GLT6D1: variants seen among roughly 807,000 people sequenced by gnomAD.
GLT6D1 encodes glycosyltransferase 6 domain containing 1.
GLT6D1 carries 9 observed loss-of-function variants against 12.3 expected under a neutral mutation model. The ratio of observed to expected loss-of-function variants is 0.73; its 90% confidence interval spans 0.44 to 1.27. The LOEUF is 1.27. Among genes scored for constraint, GLT6D1 ranks in the 50% most tolerant of loss-of-function variants. The pLI is 0.00. For synonymous variants in GLT6D1, 128 were observed against 132.3 expected (o/e 0.97, Z 0.23); for missense variants, 335 against 346.2 (o/e 0.97, Z 0.26).
rs183075907 is a variant in GLT6D1, at chr9:135,628,446, T to C, written c.120-2240A>G. ...GGAATAAATCCCACTATGTAGTTTA[T>C]GGTGTATAATCCTTTTTTATATGTT... is the stretch of plus-strand genomic sequence containing the variant. On this transcript the variant is annotated intron_variant, in intron 3 of 4. Coordinates refer to ENST00000371763, the MANE Select transcript of GLT6D1 (RefSeq NM_182974.3). 3.3e-5 allele frequency among the ~76,000 whole-genome samples: 5 copies of C among 152,214 alleles called. No homozygotes were observed. In the East Asian group the frequency reaches 5.8e-4, roughly 18 times the overall value.
At position 135,624,417 on chromosome 9, in the gene GLT6D1, T is replaced by G. The variant is rs764966796; in HGVS notation, c.511A>C (p.Ser171Arg). Residue 171 changes from serine (S) to arginine (R), a missense_variant, in exon 5 of 5, where the codon AGC (serine) becomes CGC (arginine). Ser to Arg is a moderately radical substitution (Grantham distance 110). Transcript: ENST00000371763. ...HIQDEVDFLFSMAANQVFQNE... is the reference protein window; with the variant it reads ...HIQDEVDFLFRMAANQVFQNE... ...TGGAAGACCTGGTTGGCAGCCATGC[T>G]GAAGAGGAAGTCCACCTCGTCCTGG... 1.9e-6 allele frequency: 3 copies of G among 1,614,178 alleles called. No homozygotes were observed. The highest frequency in any genetic ancestry group is 2.2e-5 in the South Asian group (2 of 91,080).
In GLT6D1 at chr9:135,623,850, C is replaced by G. The variant is rs544500794; in HGVS notation, c.*247G>C. 1.9e-5 allele frequency: 8 copies of G among 431,442 alleles called. No individual in the cohort carries two copies. The South Asian group carries it at 2.4e-4, about 13-fold the overall frequency. 26.7% of individuals were successfully genotyped at this position (431,442 alleles called of 1,614,324 possible). On this transcript the variant is annotated 3_prime_UTR_variant, in exon 5 of 5. Transcript: ENST00000371763. Reference sequence around the variant, plus strand: ...CTTTTATTCTTTATCCTACATTAGCCAAATAAGATGGCTCAAAATGGCAAG... The same window carrying G: ...CTTTTATTCTTTATCCTACATTAGCGAAATAAGATGGCTCAAAATGGCAAG...
At chr9:135,637,333 G>A (rs552101140) in intron 2 of GLT6D1, among the ~76,000 whole-genome samples, 1 of 149,778 alleles carries the variant, frequency 6.7e-6, no homozygotes, top group South Asian at 2.2e-4. Flanking sequence ...AGGCATTTAT[G>A]AATAGAGTTT....
In GLT6D1 at chr9:135,624,681, CACAG is replaced by C; in HGVS notation, c.258-15_258-12del. On this transcript the variant is annotated splice_polypyrimidine_tract_variant and intron_variant, in intron 4 of 4. Transcript: ENST00000371763. The stretch of plus-strand genomic sequence containing the variant: ...TACTCCTCTGCAAACCTAGGAAACA[CACAG>C]TGGGGAAGAAACTTACTTTTCTCTT... 5 of 1,409,262 alleles carry C rather than the reference CACAG, an allele frequency of 3.5e-6. No individual in the cohort carries two copies. Among genetic ancestry groups the C allele is most frequent in the Non-Finnish European group, 4.8e-6 (5 of 1,045,610 alleles). The allele number at this position is 1,409,262 out of a possible 1,614,324, so 87.3% of individuals were successfully genotyped here. A position where few individuals can be genotyped will look rare whatever the true frequency, so the allele number is the denominator to read the frequency against.
At chr9:135,633,558 G>T (rs143696998) in intron 2 of GLT6D1, among the ~76,000 whole-genome samples, 107 of 152,224 alleles carry the variant, frequency 7.0e-4, no homozygotes, top group Non-Finnish European at 1.4e-3. Flanking sequence ...CCTGGCCTGA[G>T]ATTCCTTTTC....
At chr9:135,629,801 C>A (rs901269484) in intron 3 of GLT6D1, among the ~76,000 whole-genome samples, 1 of 152,042 alleles carries the variant, frequency 6.6e-6, no homozygotes, top group East Asian at 1.9e-4. Context: ...TTTGATGTAT[C>A]TTATTGATGG....
At chr9:135,624,999 C>T (rs138897981) in intron 4 of GLT6D1, among the ~76,000 whole-genome samples, 10 of 151,576 alleles carry the variant, frequency 6.6e-5, no homozygotes, top group African/African-American at 2.2e-4. Context: ...CCCACCTCGG[C>T]GTCCTAAAGT....
Position 135,631,451 on chromosome 9 carries a change from G to A in GLT6D1, c.99C>T (p.Leu33=), listed in dbSNP as rs1945788399. 6.2e-7 allele frequency: 1 copy of A among 1,611,728 alleles called. No homozygotes were observed. Among genetic ancestry groups the A allele is most frequent in the South Asian group, 1.1e-5 (1 of 91,032 alleles). Residue 33 remains leucine, a synonymous_variant, in exon 3 of 5, where the codon CTC becomes CTT. Transcript: ENST00000371763. ...FRNHQVEELR[L]SDWFHPRKRP... is the part of the protein sequence containing the mutation. ...CTTACCTAGGATGAAACCAGTCTGA[G>A]AGCCGAAGTTCTTCTACTTGGTGAT...
At chr9:135,628,732 T>C (rs1833572537) in intron 3 of GLT6D1, among the ~76,000 whole-genome samples, 1 of 152,146 alleles carries the variant, frequency 6.6e-6, no homozygotes. Context: ...TAGAAAGTTT[T>C]TTATTACTAA....
rs771145189 is a variant in GLT6D1 at position 135,624,250 on chromosome 9, A to G, written c.678T>C (p.Tyr226=). 1.2e-6 allele frequency: 2 copies of G among 1,605,506 alleles called. No individual in the cohort carries two copies. The highest frequency in any genetic ancestry group is 1.7e-6 in the Non-Finnish European group (2 of 1,176,624). Residue 226 remains tyrosine, a synonymous_variant, in exon 5 of 5, where the codon TAT becomes TAC. Coordinates refer to ENST00000371763, the MANE Select transcript of GLT6D1 (RefSeq NM_182974.3). ...TGCCACCAACCATCAAGTTGCCATA[A>G]TAGAAATCTCCCTGTCCAAACGGGA... ...ACIPFGQGDF[Y]YGNLMVGGTP...
chr9:135,638,108 T>C (rs1833817109), intron 2 of GLT6D1, among the ~76,000 whole-genome samples: 1 of 152,176 alleles, frequency 6.6e-6, no homozygotes. Context: ...CTCAGAATCA[T>C]GGCAGGAGGC....
rs55778593 is a variant in GLT6D1, at chr9:135,634,758, C to T, written c.72-3280G>A. Reference sequence around the variant, plus strand: ...CCCAGCATGCCACACTCCACTCAGCCTCCTGTCTGGATCCCACCCAGCACG... The same window carrying T: ...CCCAGCATGCCACACTCCACTCAGCTTCCTGTCTGGATCCCACCCAGCACG... On this transcript the variant is annotated intron_variant, in intron 2 of 4. Transcript: ENST00000371763. 8.9e-3 allele frequency among the ~76,000 whole-genome samples: 1,344 copies of T among 150,992 alleles called. 6 individuals carry two copies. Among genetic ancestry groups the T allele is most frequent in the Non-Finnish European group, 0.015 (1,022 of 67,872 alleles).
rs7466817 is a variant in GLT6D1, at chr9:135,624,685, G to A, written c.258-15C>T. 347 of 1,416,114 alleles carry A rather than the reference G, an allele frequency of 2.5e-4. 4 individuals carry two copies. The East Asian group carries it at 5.6e-3, about 23-fold the overall frequency. The allele number at this position is 1,416,114 out of a possible 1,614,324, so 87.7% of individuals were successfully genotyped here. A position where few individuals can be genotyped will look rare whatever the true frequency, so the allele number is the denominator to read the frequency against. The stretch of plus-strand genomic sequence containing the variant: ...CCTCTGCAAACCTAGGAAACACACA[G>A]TGGGGAAGAAACTTACTTTTCTCTT... On this transcript the variant is annotated splice_polypyrimidine_tract_variant and intron_variant, in intron 4 of 4. Transcript: ENST00000371763.
intron 2 of GLT6D1, 136 bp from the exon 3 acceptor site, chr9:135,631,614 A>G: frequency 1.4e-6 from 1 of 717,384 alleles, no homozygotes; most frequent in Non-Finnish European, 2.6e-6. Context: ...CTCCCAGAGA[A>G]GAGATATCTC....
At chr9:135,630,553 C>T (rs1833619156) in intron 3 of GLT6D1, among the ~76,000 whole-genome samples, 2 of 151,544 alleles carry the variant, frequency 1.3e-5, no homozygotes, top group South Asian at 2.1e-4. Flanking sequence ...AACCCTGTCT[C>T]TACTAAAAAT....
chr9:135,631,393 GTT>G, intron 3 of GLT6D1, 36 bp downstream of exon 3: 1 of 1,502,818 alleles, frequency 6.7e-7, no homozygotes, highest in Non-Finnish European at 9.3e-7. Context: ...GAAGTATATT[GTT>G]TGTGTGTGCA....
intron 2 of GLT6D1, among the ~76,000 whole-genome samples, chr9:135,636,383 T>G (rs1833772977): frequency 6.6e-6 from 1 of 151,982 alleles, no homozygotes; most frequent in Admixed American, 6.6e-5. Flanking sequence ...AAAACTCCAC[T>G]CATTCCTAAG....
chr9:135,637,516 T>G (rs1833803161), intron 2 of GLT6D1, among the ~76,000 whole-genome samples: 1 of 152,010 alleles, frequency 6.6e-6, no homozygotes, highest in African/African-American at 2.4e-5. Context: ...CAGCAATGAA[T>G]GAGAGTTCCT....
chr9:135,626,974 GA>G (rs1319150655), intron 3 of GLT6D1, among the ~76,000 whole-genome samples: 2 of 152,024 alleles, frequency 1.3e-5, no homozygotes, highest in Non-Finnish European at 2.9e-5. Context: ...AAAGCTCCCA[GA>G]AAAAAAGTAA....
Sources: allele counts gnomAD v4.1 joint callset (sites outside exome capture counted in the v4.1 genomes callset), GRCh38; gene constraint gnomAD v4.1.1; transcripts MANE v1.5; gene names NCBI Gene and HGNC (gene_info 2026-07-23, HGNC 2026-07-21).